Variants in FBXL20 observed in about 807,000 individuals in gnomAD.
The protein encoded by FBXL20 is F-box and leucine rich repeat protein 20.
FBXL20 carries 11 observed loss-of-function variants against 64.0 expected under a neutral mutation model. The ratio of observed to expected loss-of-function variants is 0.17; its 90% CI spans 0.11 to 0.28. FBXL20 has a LOEUF of 0.28. Among genes scored for constraint, FBXL20 ranks in the 10% least tolerant of loss-of-function variants. FBXL20 has a pLI of 1.00. For synonymous variants in FBXL20, 184 were observed against 189.0 expected, an observed-to-expected ratio of 0.97 and a Z score of 0.22; for missense variants, 303 against 526.2, an observed-to-expected ratio of 0.58 and a Z score of 4.15.
chr17:39,295,823 A>G (rs2047080530), intron 6 of FBXL20, among the ~76,000 whole-genome samples: 1 of 150,052 alleles, frequency 6.7e-6, no homozygotes, highest in African/African-American at 2.5e-5. Flanking sequence ...TTCTGGCCCT[A>G]TAAAAGGTGT....
chr17:39,265,877 G>A (rs1438259937), intron 12 of FBXL20, among the ~76,000 whole-genome samples: 1 of 151,584 alleles, frequency 6.6e-6, no homozygotes, highest in East Asian at 1.9e-4. Context: ...TGAATGGCTG[G>A]GACAACAGGT....
At chr17:39,316,921 G>A (rs571357684) in intron 2 of FBXL20, among the ~76,000 whole-genome samples, 69 of 152,334 alleles carry the variant, frequency 4.5e-4, no homozygotes, top group Middle Eastern at 3.4e-3. Flanking sequence ...CCTGGGAGGC[G>A]GAGGTTGCAG....
chr17:39,402,033 G>C (rs2048253449), upstream of FBXL20: 1 of 727,850 alleles, frequency 1.4e-6, no homozygotes, highest in Non-Finnish European at 1.9e-6. Flanking sequence ...TCCTCCCTCC[G>C]CGGGCAAACA....
intron 2 of FBXL20, among the ~76,000 whole-genome samples, chr17:39,331,832 T>C (rs1344287792): frequency 6.6e-6 from 1 of 152,252 alleles, no homozygotes; most frequent in African/African-American, 2.4e-5. Flanking sequence ...CCCTGCACTG[T>C]AATGGTTTGA....
intron 2 of FBXL20, among the ~76,000 whole-genome samples, chr17:39,333,583 G>A (rs1009972858): frequency 1.3e-5 from 2 of 152,124 alleles, no homozygotes; most frequent in Non-Finnish European, 2.9e-5. Context: ...TAGGAAGTGA[G>A]GAGCGTCTCT....
chr17:39,389,012 G>T (rs1324675503), intron 1 of FBXL20, among the ~76,000 whole-genome samples: 1 of 146,154 alleles, frequency 6.8e-6, no homozygotes, highest in Non-Finnish European at 1.5e-5. Context: ...GCTGAGGCAG[G>T]AGAATCGCTT....
At chr17:39,304,123 G>C (rs2047160881) in intron 2 of FBXL20, among the ~76,000 whole-genome samples, 1 of 151,912 alleles carries the variant, frequency 6.6e-6, no homozygotes, top group Admixed American at 6.6e-5. Context: ...ATAAAACACA[G>C]TGGGAAAAAA....
chr17:39,285,435 A>G (rs2046980462), intron 7 of FBXL20, 43 bp downstream of exon 7: 2 of 1,281,664 alleles, frequency 1.6e-6, no homozygotes, highest in Non-Finnish European at 2.1e-6. Context: ...TAAAATATGT[A>G]TTTTTTTTTG....
chr17:39,368,392 T>C (rs1040050502), intron 1 of FBXL20, among the ~76,000 whole-genome samples: 6 of 151,984 alleles, frequency 3.9e-5, no homozygotes, highest in African/African-American at 1.5e-4. Context: ...ACCTTGTCTC[T>C]AAAAAAACTT....
intron 1 of FBXL20, among the ~76,000 whole-genome samples, chr17:39,370,008 G>A (rs189519976): frequency 6.6e-6 from 1 of 152,202 alleles, no homozygotes; most frequent in African/African-American, 2.4e-5. Context: ...GCCAAGGCAG[G>A]AGGATCATTT....
intron 1 of FBXL20, among the ~76,000 whole-genome samples, chr17:39,390,346 G>T (rs1174723442): frequency 2.6e-5 from 4 of 151,784 alleles, no homozygotes; most frequent in Admixed American, 2.6e-4. Flanking sequence ...GGATCACCTG[G>T]GGTCATGAGT....
At chr17:39,270,420 T>C (rs1429123315) in intron 11 of FBXL20, among the ~76,000 whole-genome samples, 2 of 152,096 alleles carry the variant, frequency 1.3e-5, no homozygotes, top group Non-Finnish European at 2.9e-5. Flanking sequence ...GGCACATGCT[T>C]GTAATCCCAG....
rs759651968 is a variant in FBXL20, at chr17:39,343,257, CAT to C, written c.43-18_43-17del. ...TTGAGAACATCTGCAAAAACAAAAT[CAT>C]AGTGTCAAGTGTTACTTAACATTTT... On this transcript the variant is annotated splice_polypyrimidine_tract_variant and intron_variant, in intron 1 of 14. Coordinates refer to ENST00000264658, the MANE Select transcript of FBXL20 (RefSeq NM_032875.3). The C allele has an allele frequency of 1.9e-6, 3 of 1,572,868 alleles. No homozygotes were observed. Among genetic ancestry groups the C allele is most frequent in the Non-Finnish European group, 1.7e-6 (2 of 1,156,122 alleles).
At chr17:39,330,250 T>C (rs1005124586) in intron 2 of FBXL20, among the ~76,000 whole-genome samples, 1 of 151,484 alleles carries the variant, frequency 6.6e-6, no homozygotes, top group African/African-American at 2.4e-5. Context: ...TGAGCCAAAA[T>C]TGTGCCATTG....
chr17:39,288,034 G>C (rs1597776890), intron 6 of FBXL20, among the ~76,000 whole-genome samples: 1 of 145,038 alleles, frequency 6.9e-6, no homozygotes, highest in East Asian at 2.0e-4. Context: ...CATGATCTCA[G>C]CTCACTGCAA....
intron 3 of FBXL20, among the ~76,000 whole-genome samples, chr17:39,301,665 T>G (rs1053813559): frequency 1.3e-4 from 20 of 151,598 alleles, no homozygotes; most frequent in Non-Finnish European, 2.9e-4. Flanking sequence ...GAGGCGGAGG[T>G]TGCAGTGAGC....
chr17:39,316,363 A>G (rs1385082423), intron 2 of FBXL20, among the ~76,000 whole-genome samples: 3 of 152,102 alleles, frequency 2.0e-5, no homozygotes, highest in Admixed American at 2.0e-4. Context: ...GCCTGGAGCA[A>G]TAACCCCTCA....
rs137972821 is a variant in FBXL20 at position 39,342,160 on chromosome 17, A to G, written c.104+1020T>C. Among the ~76,000 whole-genome samples the G allele has an allele frequency of 2.6e-5, 4 of 152,162 alleles. No individual in the cohort carries two copies. In the South Asian group the frequency reaches 8.3e-4, roughly 32 times the overall value. On this transcript the variant is annotated intron_variant, in intron 2 of 14. Transcript: ENST00000264658. ...GCCATGGTATGGAATTTTGAGTTTC[A>G]TGGTGAAAACAAAGAACTCTAGAAG...
At chr17:39,305,717 G>C (rs1179952782) in intron 2 of FBXL20, among the ~76,000 whole-genome samples, 1 of 152,082 alleles carries the variant, frequency 6.6e-6, no homozygotes, top group Non-Finnish European at 1.5e-5. Context: ...CGGGAACAGT[G>C]GCTCACGACT....
Sources: allele counts gnomAD v4.1 joint callset (sites outside exome capture counted in the v4.1 genomes callset), GRCh38; gene constraint gnomAD v4.1.1; transcripts MANE v1.5; gene names NCBI Gene and HGNC (gene_info 2026-07-23, HGNC 2026-07-21).